Variants in RORB observed in about 807,000 individuals in gnomAD.
The protein encoded by RORB is nuclear receptor ROR-beta.
RORB carries 6 observed loss-of-function variants against 59.1 expected under a neutral mutation model. The ratio of observed to expected loss-of-function variants is 0.10; its 90% CI spans 0.06 to 0.20. The LOEUF is 0.20. Among genes scored for constraint, RORB ranks in the 10% least tolerant of loss-of-function variants. RORB has a pLI of 1.00. For missense variants in RORB, 320 were observed against 560.5 expected (o/e 0.57, Z 4.33); for synonymous variants, 215 against 204.5 (o/e 1.05, Z -0.44).
Position 74,615,594 on chromosome 9 carries a change from G to A in RORB, c.8-14688G>A, listed in dbSNP as rs1360780761. 1.5e-5 allele frequency: 7 copies of A among 453,836 alleles called. No individual in the cohort carries two copies. Among genetic ancestry groups the A allele is most frequent in the East Asian group, 7.0e-5 (1 of 14,258 alleles). 28.1% of individuals were successfully genotyped at this position (453,836 alleles called of 1,614,324 possible). ...TTTCAGTTAGACTTTTAATTGCTAC[G>A]TCAAAATGTGTGAGAACCAGCTCAA... On this transcript the variant is annotated intron_variant, in intron 1 of 9. Coordinates refer to ENST00000376896, the MANE Select transcript of RORB (RefSeq NM_006914.4).
At chr9:74,534,114 C>T (rs1187409444) in intron 1 of RORB, among the ~76,000 whole-genome samples, 1 of 151,966 alleles carries the variant, frequency 6.6e-6, no homozygotes, top group African/African-American at 2.4e-5. Context: ...TATCTTTTCC[C>T]TATGTTTGCT....
chr9:74,522,462 T>C (rs1436173768), intron 1 of RORB, among the ~76,000 whole-genome samples: 1 of 151,752 alleles, frequency 6.6e-6, no homozygotes, highest in Non-Finnish European at 1.5e-5. Context: ...TATTACATTA[T>C]TGTCTGAGTT....
chr9:74,563,459 C>T (rs1005305174), intron 1 of RORB, among the ~76,000 whole-genome samples: 3 of 152,204 alleles, frequency 2.0e-5, no homozygotes, highest in African/African-American at 4.8e-5. Flanking sequence ...CCTAGGATTA[C>T]AGGCATGAGC....
At chr9:74,669,826 G>T (rs140793977) in intron 8 of RORB, among the ~76,000 whole-genome samples, 1 of 152,198 alleles carries the variant, frequency 6.6e-6, no homozygotes, top group East Asian at 1.9e-4. Context: ...GTGATGTAAG[G>T]TAACACATTA....
Position 74,649,652 on chromosome 9 carries a change from G to A in RORB, c.637+6837G>A, listed in dbSNP as rs537495920. Among the ~76,000 whole-genome samples, 916 of 152,226 alleles carry A rather than the reference G, an allele frequency of 6.0e-3. 12 individuals are homozygous for A. The highest frequency in any genetic ancestry group is 0.021 in the African/African-American group (880 of 41,538). On this transcript the variant is annotated intron_variant, in intron 4 of 9. Coordinates refer to ENST00000376896, the MANE Select transcript of RORB (RefSeq NM_006914.4). ...ACATGTATAGTGCTTCCCCACAACT[G>A]CAATAAATGGTAGAATGTATACAAA...
At chr9:74,535,876 C>G (rs1587347923) in intron 1 of RORB, among the ~76,000 whole-genome samples, 1 of 151,734 alleles carries the variant, frequency 6.6e-6, no homozygotes, top group Non-Finnish European at 1.5e-5. Flanking sequence ...GTACAAATGA[C>G]TGGAAAATAA....
At chr9:74,518,313 A>G (rs985149663) in intron 1 of RORB, among the ~76,000 whole-genome samples, 2 of 151,984 alleles carry the variant, frequency 1.3e-5, no homozygotes, top group Admixed American at 6.6e-5. Flanking sequence ...AACATTGCAA[A>G]GCATGTCTTT....
At chr9:74,598,267 C>G (rs1400290246) in intron 1 of RORB, among the ~76,000 whole-genome samples, 1 of 152,064 alleles carries the variant, frequency 6.6e-6, no homozygotes, top group Non-Finnish European at 1.5e-5. Flanking sequence ...GTCTGTGATT[C>G]CTAGACAATC....
At chr9:74,533,176 T>C (rs1385274714) in intron 1 of RORB, among the ~76,000 whole-genome samples, 1 of 151,960 alleles carries the variant, frequency 6.6e-6, no homozygotes, top group Non-Finnish European at 1.5e-5. Context: ...TCAAAGACTT[T>C]CTAATTCGTT....
chr9:74,563,797 G>C (rs1295109888), intron 1 of RORB, among the ~76,000 whole-genome samples: 3 of 152,184 alleles, frequency 2.0e-5, no homozygotes, highest in African/African-American at 7.2e-5. Context: ...AGTGGGTTAG[G>C]GACTGAGGAA....
At chr9:74,595,143 T>C (rs754029215) in intron 1 of RORB, among the ~76,000 whole-genome samples, 11 of 152,170 alleles carry the variant, frequency 7.2e-5, no homozygotes, top group Non-Finnish European at 1.3e-4. Flanking sequence ...CATAATGCAG[T>C]CAGGTTATCT....
intron 4 of RORB, among the ~76,000 whole-genome samples, chr9:74,649,166 T>C (rs772975099): frequency 1.1e-4 from 17 of 151,974 alleles, no homozygotes; most frequent in Non-Finnish European, 2.1e-4. Context: ...ACTAGGCTGG[T>C]CTTGAACTCC....
At chr9:74,681,489 T>C (rs1824546940) in intron 9 of RORB, among the ~76,000 whole-genome samples, 1 of 152,228 alleles carries the variant, frequency 6.6e-6, no homozygotes, top group South Asian at 2.1e-4. Flanking sequence ...GCTCTTCGCC[T>C]TCTCTGTGCT....
At chr9:74,666,655 ATACT>A (rs1412829205) in intron 7 of RORB, among the ~76,000 whole-genome samples, 14 of 151,946 alleles carry the variant, frequency 9.2e-5, no homozygotes, top group African/African-American at 3.4e-4. Flanking sequence ...ATGAGTTAAG[ATACT>A]TAATTAAATG....
At chr9:74,594,557 A>G (rs915458207) in intron 1 of RORB, among the ~76,000 whole-genome samples, 1 of 152,242 alleles carries the variant, frequency 6.6e-6, no homozygotes, top group South Asian at 2.1e-4. Flanking sequence ...ACATTCATAT[A>G]TATGAGACAG....
chr9:74,512,289 T>C (rs983277483), intron 1 of RORB, among the ~76,000 whole-genome samples: 2 of 152,188 alleles, frequency 1.3e-5, no homozygotes, highest in African/African-American at 2.4e-5. Flanking sequence ...ATACCAGTTC[T>C]CAAAATACAA....
intron 1 of RORB, among the ~76,000 whole-genome samples, chr9:74,605,401 G>A (rs1233680934): frequency 6.6e-6 from 1 of 152,142 alleles, no homozygotes; most frequent in Non-Finnish European, 1.5e-5. Context: ...ATCCCAACAG[G>A]GGCCTTTTGG....
At chr9:74,639,309 A>G (rs1467214969) in intron 3 of RORB, among the ~76,000 whole-genome samples, 1 of 152,210 alleles carries the variant, frequency 6.6e-6, no homozygotes, top group Non-Finnish European at 1.5e-5. Flanking sequence ...TCAATATTCC[A>G]TTGGTCCACA....
chr9:74,499,525 T>A (rs1825776356), intron 1 of RORB, among the ~76,000 whole-genome samples: 1 of 152,096 alleles, frequency 6.6e-6, no homozygotes, highest in Admixed American at 6.5e-5. Flanking sequence ...GACGTCCTGA[T>A]GGGATGGTCT....
Sources: allele counts gnomAD v4.1 joint callset (sites outside exome capture counted in the v4.1 genomes callset), GRCh38; gene constraint gnomAD v4.1.1; transcripts MANE v1.5; gene names NCBI Gene and HGNC (gene_info 2026-07-23, HGNC 2026-07-21).